CDC14B: variants seen among roughly 807,000 people sequenced by gnomAD.
CDC14B encodes cell division cycle 14B, also known as dual specificity protein phosphatase CDC14B.
In CDC14B, 22 loss-of-function variants were observed where a neutral mutation model predicts 64.2. The observed-to-expected ratio is 0.34, with a 90% confidence interval of 0.24 to 0.49. CDC14B has a LOEUF of 0.49. Ranked by LOEUF, CDC14B falls within the 20% of genes least tolerant of loss-of-function variation. CDC14B has a pLI of 0.99. For missense variants in CDC14B, 498 were observed against 629.9 expected, an observed-to-expected ratio of 0.79 and a Z score of 2.24; for synonymous variants, 191 against 215.8, an observed-to-expected ratio of 0.89 and a Z score of 1.01.
At chr9:96,529,763 GATTA>G (rs1564256653) in intron 9 of CDC14B, among the ~76,000 whole-genome samples, 3 of 151,972 alleles carry the variant, frequency 2.0e-5, no homozygotes, top group African/African-American at 7.3e-5. Context: ...AAAGTACTGG[GATTA>G]CAGGTGTTAA....
rs527880776 is a variant in CDC14B, at chr9:96,616,557, C to G, written c.160+2662G>C. 2.0e-5 allele frequency among the ~76,000 whole-genome samples: 3 copies of G among 151,956 alleles called. No homozygotes were observed. The East Asian group carries it at 5.8e-4, about 30-fold the overall frequency. ...TGGACAACATGGTGAAACACTGTCT[C>G]TACTAAAAATACAAAAATTAGCCAG... is the stretch of plus-strand genomic sequence containing the variant. On this transcript the variant is annotated intron_variant, in intron 1 of 13. Transcript: ENST00000375241.
chr9:96,579,472 GCTA>G (rs1845007434), intron 1 of CDC14B, among the ~76,000 whole-genome samples: 1 of 151,914 alleles, frequency 6.6e-6, no homozygotes, highest in Non-Finnish European at 1.5e-5. Flanking sequence ...TGTAATCCCA[GCTA>G]CTCAGGAGGC....
At chr9:96,593,702 A>T (rs542664704) in intron 1 of CDC14B, among the ~76,000 whole-genome samples, 6 of 152,270 alleles carry the variant, frequency 3.9e-5, no homozygotes, top group Non-Finnish European at 7.4e-5. Context: ...AGCTCTAAAA[A>T]GGGATAGCAC....
intron 5 of CDC14B, among the ~76,000 whole-genome samples, chr9:96,543,940 C>T (rs542929835): frequency 3.3e-5 from 5 of 152,166 alleles, no homozygotes; most frequent in Admixed American, 2.0e-4. Flanking sequence ...TTTTTGAGGC[C>T]GGGCGTGGTG....
intron 12 of CDC14B, among the ~76,000 whole-genome samples, chr9:96,519,629 G>A (rs115633212): frequency 0.013 from 1,972 of 151,252 alleles, 43 homozygotes; most frequent in African/African-American, 0.045. Context: ...TACTCCGGAG[G>A]CTCAGGCAGC....
intron 9 of CDC14B, among the ~76,000 whole-genome samples, chr9:96,530,639 CCTGT>C (rs1255389645): frequency 9.9e-5 from 15 of 150,940 alleles, no homozygotes; most frequent in Admixed American, 3.3e-4. Flanking sequence ...TTTACTTCCC[CCTGT>C]CTAATTTCGA....
chr9:96,543,281 C>T (rs1361336265), intron 5 of CDC14B, among the ~76,000 whole-genome samples: 4 of 151,630 alleles, frequency 2.6e-5, no homozygotes, highest in Admixed American at 6.6e-5. Flanking sequence ...TTGCAGTGAG[C>T]GGAGCTTGCG....
intron 1 of CDC14B, among the ~76,000 whole-genome samples, chr9:96,590,304 T>C (rs1266526501): frequency 6.6e-6 from 1 of 152,210 alleles, no homozygotes; most frequent in African/African-American, 2.4e-5. Flanking sequence ...ATCCATGTTG[T>C]AGTATATGAC....
rs1319319407 is a variant in CDC14B, at chr9:96,568,157, T to G, written c.161-2674A>C. Among the ~76,000 whole-genome samples the G allele has an allele frequency of 3.9e-5, 6 of 152,310 alleles. No individual in the cohort carries two copies. The East Asian group carries it at 9.6e-4, about 24-fold the overall frequency. ...GTGTTACTTTATACATACTTTTGCCTCAAAAGTAAACCTGCATACCTCCTA... is the reference window on the plus strand; with the variant it reads ...GTGTTACTTTATACATACTTTTGCCGCAAAAGTAAACCTGCATACCTCCTA... On this transcript the variant is annotated intron_variant, in intron 1 of 13. Transcript: ENST00000375241.
intron 12 of CDC14B, among the ~76,000 whole-genome samples, chr9:96,519,052 C>T (rs1836228178): frequency 6.6e-6 from 1 of 152,112 alleles, no homozygotes; most frequent in South Asian, 2.1e-4. Context: ...AGGAGAATGG[C>T]ATGATCCCAG....
chr9:96,619,186 CG>C, intron 1 of CDC14B, 32 bp downstream of exon 1: 2 of 1,237,210 alleles, frequency 1.6e-6, no homozygotes, highest in Non-Finnish European at 2.0e-6. Flanking sequence ...TGCGGCCGTC[CG>C]GGGCCCTCCG....
intron 5 of CDC14B, among the ~76,000 whole-genome samples, chr9:96,548,981 T>C (rs1253433340): frequency 6.6e-6 from 1 of 152,226 alleles, no homozygotes; most frequent in Non-Finnish European, 1.5e-5. Flanking sequence ...AGTGGCAAGA[T>C]ACAAAGAATA....
chr9:96,554,564 A>G (rs1026602278), intron 4 of CDC14B, among the ~76,000 whole-genome samples: 4 of 152,028 alleles, frequency 2.6e-5, no homozygotes, highest in Admixed American at 2.6e-4. Flanking sequence ...GGGGGAAAAA[A>G]CCCCTAAATT....
intron 1 of CDC14B, among the ~76,000 whole-genome samples, chr9:96,603,712 G>A (rs910175148): frequency 6.6e-6 from 1 of 152,144 alleles, no homozygotes; most frequent in Non-Finnish European, 1.5e-5. Context: ...TTAGCACTAT[G>A]ACTTATTTTT....
intron 9 of CDC14B, among the ~76,000 whole-genome samples, chr9:96,532,217 G>C (rs995068373): frequency 6.6e-6 from 1 of 152,214 alleles, no homozygotes; most frequent in African/African-American, 2.4e-5. Context: ...CCTGGGCAAA[G>C]TCTTAATTTT....
chr9:96,495,650 A>C (rs1472734334), downstream of CDC14B, among the ~76,000 whole-genome samples: 1 of 152,166 alleles, frequency 6.6e-6, no homozygotes, highest in Non-Finnish European at 1.5e-5. Flanking sequence ...ATGCTGGGGA[A>C]GTTTTCAGGA....
chr9:96,586,875 T>C (rs1417393274), intron 1 of CDC14B, among the ~76,000 whole-genome samples: 1 of 151,974 alleles, frequency 6.6e-6, no homozygotes, highest in Non-Finnish European at 1.5e-5. Context: ...TGAACTGGAT[T>C]TAAAATGAGA....
At chr9:96,610,638 C>G (rs1411720791) in intron 1 of CDC14B, among the ~76,000 whole-genome samples, 2 of 142,274 alleles carry the variant, frequency 1.4e-5, no homozygotes, top group African/African-American at 5.5e-5. Flanking sequence ...CTAGAAAGAA[C>G]TAAATGACCA....
At chr9:96,604,945 C>T (rs775184276) in intron 1 of CDC14B, among the ~76,000 whole-genome samples, 14 of 152,112 alleles carry the variant, frequency 9.2e-5, no homozygotes, top group Non-Finnish European at 1.8e-4. Flanking sequence ...GCTGGGATTA[C>T]AGGTGTGAGC....
Sources: allele counts gnomAD v4.1 joint callset (sites outside exome capture counted in the v4.1 genomes callset), GRCh38; gene constraint gnomAD v4.1.1; transcripts MANE v1.5; gene names NCBI Gene and HGNC (gene_info 2026-07-23, HGNC 2026-07-21).